Variants in FCRL5 observed in about 807,000 individuals in gnomAD.
The protein encoded by FCRL5 is Fc receptor-like protein 5.
In FCRL5, 79 loss-of-function variants were observed where a neutral mutation model predicts 92.1. That is an observed-to-expected ratio of 0.86 (90% confidence interval 0.72 to 1.03). The LOEUF (loss-of-function observed/expected upper bound fraction) is 1.03. FCRL5 is among the 50% of genes least tolerant of loss of function. The pLI is 0.00. For synonymous variants in FCRL5, 466 were observed against 469.3 expected (o/e 0.99, Z 0.09); for missense variants, 1,160 against 1,181.1 (o/e 0.98, Z 0.26).
chr1:157,538,909 T>C (rs1041139104), intron 7 of FCRL5, among the ~76,000 whole-genome samples, 177 bp downstream of exon 7: 1 of 152,008 alleles, frequency 6.6e-6, no homozygotes, highest in African/African-American at 2.4e-5. Context: ...CAGACTGCAA[T>C]GGGATGAGGC....
rs1476628278 is a variant in FCRL5, at chr1:157,544,489, G to A, written c.617C>T (p.Pro206Leu). ...ASSFQPISGN[P>L]VTLTCETQLS... Reference sequence around the variant, plus strand: ...CTGGGTCTCACAGGTCAGGGTCACTGGGTTCCCGCTGATGGGCTGGAAGGA... The same window carrying A: ...CTGGGTCTCACAGGTCAGGGTCACTAGGTTCCCGCTGATGGGCTGGAAGGA... Residue 206 changes from proline to leucine, a missense_variant, in exon 5 of 17, where the codon CCA becomes CTA. By Grantham distance (98) the Pro-to-Leu change is moderately conservative. Coordinates refer to ENST00000361835, the MANE Select transcript of FCRL5 (RefSeq NM_031281.3). 9 of 1,614,184 alleles carry A rather than the reference G, an allele frequency of 5.6e-6. No homozygotes were observed. Among genetic ancestry groups the A allele is most frequent in the Non-Finnish European group, 7.6e-6 (9 of 1,180,032 alleles).
chr1:157,524,982 TTC>T (rs1650364654), intron 9 of FCRL5, among the ~76,000 whole-genome samples: 1 of 152,202 alleles, frequency 6.6e-6, no homozygotes, highest in Non-Finnish European at 1.5e-5. Context: ...CATTTTTACA[TTC>T]ATTTATCCAT....
intron 7 of FCRL5, 54 bp downstream of exon 7, chr1:157,539,032 G>A: frequency 6.3e-7 from 1 of 1,580,768 alleles, no homozygotes; most frequent in East Asian, 2.2e-5. Context: ...GAAGGGTTGG[G>A]TAAGAGAGGA....
At chr1:157,544,678 C>A in intron 4 of FCRL5, 132 bp from the exon 5 acceptor site, 1 of 1,413,812 alleles carries the variant, frequency 7.1e-7, no homozygotes, top group Non-Finnish European at 9.8e-7. Context: ...CTTCCTTCAG[C>A]CCAAAACACT....
Position 157,546,937 on chromosome 1 carries a change from T to C in FCRL5, c.307+6A>G, listed in dbSNP as rs374038581. The stretch of plus-strand genomic sequence containing the variant: ...TAAAGTTGGTGCGTCTTTCACGCTC[T>C]CTCACCTGAAGAAAAATCCAAGTGC... On this transcript the variant is annotated splice_donor_region_variant and intron_variant, in intron 3 of 16. Transcript: ENST00000361835. 10 of 1,610,814 alleles carry C rather than the reference T, an allele frequency of 6.2e-6. No homozygotes were observed. The highest frequency in any genetic ancestry group is 8.5e-6 in the Non-Finnish European group (10 of 1,177,956).
chr1:157,546,792 A>C (rs1188087010), intron 3 of FCRL5, 151 bp downstream of exon 3: 15 of 950,080 alleles, frequency 1.6e-5, no homozygotes, highest in Non-Finnish European at 2.3e-5. Context: ...GTCTGGTTGT[A>C]TTCTGAGCTT....
rs773657431 is a variant in FCRL5 at position 157,547,110 on chromosome 1, A to T, written c.140T>A (p.Phe47Tyr). The change falls in exon 3 of 17, where the codon TTT becomes TAT. Residue 47 changes from phenylalanine to tyrosine, a missense_variant. Coordinates refer to ENST00000361835, the MANE Select transcript of FCRL5 (RefSeq NM_031281.3). The stretch of plus-strand genomic sequence containing the variant: ...TGTTTTCTGTGGTGAGTAGAAGCGA[A>T]ATCCCTTGCAAGTGAGGGTCACTCT... ...GERVTLTCKGFRFYSPQKTKW... is the reference protein window; with the variant it reads ...GERVTLTCKGYRFYSPQKTKW... 2 of 1,614,170 alleles carry T rather than the reference A, an allele frequency of 1.2e-6. No homozygotes were observed. Among genetic ancestry groups the T allele is most frequent in the Non-Finnish European group, 1.7e-6 (2 of 1,180,012 alleles).
rs372098463 is a variant in FCRL5, at chr1:157,524,398, G to T, written c.2120C>A (p.Ser707Tyr). 9 of 1,614,262 alleles carry T rather than the reference G, an allele frequency of 5.6e-6. No individual in the cohort carries two copies. The highest frequency in any genetic ancestry group is 7.6e-6 in the Non-Finnish European group (9 of 1,180,050). Residue 707 changes from serine (S) to tyrosine (Y), a missense_variant, in exon 10 of 17, where the codon TCT (serine) becomes TAT (tyrosine). Physicochemically the swap from Ser to Tyr is moderately radical, Grantham distance 144. Coordinates refer to ENST00000361835, the MANE Select transcript of FCRL5 (RefSeq NM_031281.3). The part of the protein sequence containing the change: ...DVTLGKISAP[S>Y]GGGASFNLSL... ...GAGGTTGAAGGAGGCCCCTCCTCCAGAGGGGGCTGAGATCTTACCCAGGGT... is the reference window on the plus strand; with the variant it reads ...GAGGTTGAAGGAGGCCCCTCCTCCATAGGGGGCTGAGATCTTACCCAGGGT...
chr1:157,516,926 G>A (rs1161299976), intron 15 of FCRL5, among the ~76,000 whole-genome samples: 1 of 152,222 alleles, frequency 6.6e-6, no homozygotes, highest in Non-Finnish European at 1.5e-5. Context: ...CCTCAAAGGG[G>A]CTTGTAAGAG....
Position 157,515,570 on chromosome 1 carries a change from A to T in FCRL5, c.*105T>A, listed in dbSNP as rs761631823. The T allele has an allele frequency of 5.6e-6, 9 of 1,611,674 alleles. No individual in the cohort carries two copies. In the South Asian group the frequency reaches 8.8e-5, roughly 16 times the overall value. On this transcript the variant is annotated 3_prime_UTR_variant, in exon 17 of 17. Transcript: ENST00000361835. ...GGACATGTGAAACAAAGGCCAGTAGATATGGTCTGGGGCAGCCTAAATCTT... is the reference window on the plus strand; with the variant it reads ...GGACATGTGAAACAAAGGCCAGTAGTTATGGTCTGGGGCAGCCTAAATCTT...
chr1:157,538,651 G>C (rs763134749), intron 7 of FCRL5, among the ~76,000 whole-genome samples: 3 of 152,262 alleles, frequency 2.0e-5, no homozygotes, highest in Non-Finnish European at 4.4e-5. Context: ...ACTTGTCTTT[G>C]TGTCTTACAT....
chr1:157,520,911 C>T, intron 11 of FCRL5, 106 bp downstream of exon 11: 1 of 1,305,720 alleles, frequency 7.7e-7, no homozygotes, highest in Non-Finnish European at 1.1e-6. Flanking sequence ...AGCTGTGTTA[C>T]TTCGCCCTGA....
rs577185469 is a variant in FCRL5 at position 157,514,305 on chromosome 1, G to C, written c.*1370C>G. The C allele has an allele frequency of 6.6e-6, 1 of 152,386 alleles. No individual in the cohort carries two copies. The highest frequency in any genetic ancestry group is 2.1e-4 in the South Asian group (1 of 4,826). The allele number at this position is 152,386 out of a possible 1,614,324, so 9.4% of individuals were successfully genotyped here. ...AGAGATGGGAGAACAACTCTGAATG[G>C]AGAGGGCTCAGGTTATATACATTCA... is the stretch of plus-strand genomic sequence containing the variant. On this transcript the variant is annotated 3_prime_UTR_variant, in exon 17 of 17. Coordinates refer to ENST00000361835, the MANE Select transcript of FCRL5 (RefSeq NM_031281.3).
chr1:157,515,839 C>T lies in FCRL5; in HGVS notation c.2844+3G>A. ...GGGAGGGCATGCAGAAGGGGAGACT[C>T]ACCTTGTTCCTGAGATGCCTGGGGT... On this transcript the variant is annotated splice_donor_region_variant and intron_variant, in intron 16 of 16. Coordinates refer to ENST00000361835, the MANE Select transcript of FCRL5 (RefSeq NM_031281.3). 4 of 1,614,068 alleles carry T rather than the reference C, an allele frequency of 2.5e-6. No individual in the cohort carries two copies. The highest frequency in any genetic ancestry group is 1.3e-5 in the African/African-American group (1 of 75,048).
In FCRL5 at chr1:157,524,459, A is replaced by T. The variant is rs1245365917; in HGVS notation, c.2059T>A (p.Ser687Thr). Residue 687 changes from serine (S) to threonine (T), a missense_variant, in exon 10 of 17, where the codon TCC becomes ACC. Ser to Thr is a moderately conservative substitution (Grantham distance 58, BLOSUM62 1). Coordinates refer to ENST00000361835, the MANE Select transcript of FCRL5 (RefSeq NM_031281.3). The part of the protein sequence containing the change: ...ELHCEALRGS[S>T]PILYWFYHED... ...TGATAAAACCAGTACAGGATTGGGG[A>T]GGAGCCTCTCAGGGCCTCACAGTGA... 6.2e-7 allele frequency: 1 copy of T among 1,614,046 alleles called. No individual in the cohort carries two copies. Among genetic ancestry groups the T allele is most frequent in the African/African-American group, 1.3e-5 (1 of 74,940 alleles).
chr1:157,547,152 G>A lies in FCRL5; in HGVS notation c.98C>T (p.Thr33Ile). The A allele has an allele frequency of 6.2e-7, 1 of 1,614,078 alleles. No individual in the cohort carries two copies. Among genetic ancestry groups the A allele is most frequent in the Non-Finnish European group, 8.5e-7 (1 of 1,180,034 alleles). ...GGTCACTCTCTCTCCTTGGAAGACT[G>A]TGGTCCATGGAGGCTGGAGGAAAAT... ...PIIFLQPPWTTVFQGERVTLT... is the reference protein window; with the variant it reads ...PIIFLQPPWTIVFQGERVTLT... Residue 33 changes from threonine (T) to isoleucine (I), a missense_variant, in exon 3 of 17, where the codon ACA becomes ATA. Transcript: ENST00000361835.
chr1:157,537,980 T>C (rs550645201), intron 7 of FCRL5, among the ~76,000 whole-genome samples: 2 of 152,206 alleles, frequency 1.3e-5, no homozygotes, highest in East Asian at 1.9e-4. Flanking sequence ...CTGTGAACTG[T>C]GTGGGCAGGG....
In FCRL5 at chr1:157,515,709, G is replaced by A. The variant is rs1558123953; in HGVS notation, c.2900C>T (p.Ser967Phe). Residue 967 changes from serine to phenylalanine, a missense_variant, in exon 17 of 17, where the codon TCC becomes TTC. By Grantham distance (155) the Ser-to-Phe change is radical. Coordinates refer to ENST00000361835, the MANE Select transcript of FCRL5 (RefSeq NM_031281.3). ...AGGAGCTGAGGAAGCCAAGAACAGG[G>A]ATCCGGAAACCGGGGTTGACGCCAC... Reference protein sequence around the residue: ...VKVASTPVSGSLFLASSAPHR With the variant: ...VKVASTPVSGFLFLASSAPHR 2 of 1,614,124 alleles carry A rather than the reference G, an allele frequency of 1.2e-6. No individual in the cohort carries two copies. The highest frequency in any genetic ancestry group is 1.7e-6 in the Non-Finnish European group (2 of 1,180,020).
chr1:157,532,196 T>A (rs1199657179), intron 8 of FCRL5: 2 of 152,044 alleles, frequency 1.3e-5, no homozygotes, highest in African/African-American at 4.8e-5. Context: ...TCATTTGTGA[T>A]CATATCAATG....
Sources: gnomAD v4.1 joint callset for allele counts (sites outside exome capture counted in the v4.1 genomes callset) on GRCh38, gnomAD v4.1.1 for gene constraint, MANE v1.5 for transcripts, NCBI Gene and HGNC (gene_info 2026-07-23, HGNC 2026-07-21) for gene names.